The following RRAS2 variants were observed in gnomAD, a reference collection of about 807,000 sequenced individuals.
RRAS2 encodes RAS related 2.
A neutral mutation model predicts 27.6 loss-of-function variants in RRAS2; 7 were observed. The observed-to-expected ratio is 0.25, with a 90% CI of 0.14 to 0.48. The LOEUF is 0.48. Among genes scored for constraint, RRAS2 ranks in the 20% least tolerant of loss-of-function variants. The pLI is 0.99. For synonymous variants in RRAS2, 86 were observed against 90.9 expected (o/e 0.95, Z 0.31); for missense variants, 178 against 256.2 (o/e 0.69, Z 2.08).
At position 14,307,042 on chromosome 11, in the gene RRAS2, T is replaced by C. The variant is rs148504236; in HGVS notation, c.109-11187A>G. Among the ~76,000 whole-genome samples the C allele has an allele frequency of 3.0e-4, 46 of 151,668 alleles. No individual in the cohort carries two copies. The East Asian group carries it at 8.9e-3, about 29-fold the overall frequency. ...CCAGTGTCTACCCAAAATACAAAAA[T>C]TAGCAGGGCATGATGGCACATGCCT... On this transcript the variant is annotated intron_variant, in intron 1 of 5. Coordinates refer to ENST00000256196, the MANE Select transcript of RRAS2 (RefSeq NM_012250.6).
At chr11:14,351,495 G>A (rs1172830282) in intron 1 of RRAS2, among the ~76,000 whole-genome samples, 1 of 152,176 alleles carries the variant, frequency 6.6e-6, no homozygotes, top group East Asian at 1.9e-4. Context: ...GGGAGGCCAA[G>A]GCAGGTGGAT....
intron 1 of RRAS2, among the ~76,000 whole-genome samples, chr11:14,355,851 TC>T (rs1249603716): frequency 3.9e-5 from 6 of 152,300 alleles, no homozygotes; most frequent in African/African-American, 1.4e-4. Context: ...GTTCTCTCCC[TC>T]CAGTTACTAC....
At chr11:14,292,601 C>A (rs928467167) in intron 4 of RRAS2, among the ~76,000 whole-genome samples, 1 of 151,726 alleles carries the variant, frequency 6.6e-6, no homozygotes, top group African/African-American at 2.4e-5. Context: ...AAAATTAAAT[C>A]TAAAAAAAAT....
At chr11:14,294,323 A>G in intron 4 of RRAS2, 148 bp downstream of exon 4, 1 of 450,098 alleles carries the variant, frequency 2.2e-6, no homozygotes, top group Non-Finnish European at 4.0e-6. Context: ...TTCTGTAAAT[A>G]CAGTGTGCCA....
intron 5 of RRAS2, among the ~76,000 whole-genome samples, chr11:14,280,803 T>A (rs1487549417): frequency 7.7e-6 from 1 of 130,256 alleles, no homozygotes; most frequent in Non-Finnish European, 1.6e-5. Context: ...TAGCAGAGAA[T>A]CCCAGATCTA....
At chr11:14,330,886 A>G (rs892445851) in intron 1 of RRAS2, among the ~76,000 whole-genome samples, 1 of 152,196 alleles carries the variant, frequency 6.6e-6, no homozygotes, top group Non-Finnish European at 1.5e-5. Flanking sequence ...AGGAGTAACT[A>G]TAGTTAATAA....
At chr11:14,352,752 T>TAG (rs1364375183) in intron 1 of RRAS2, among the ~76,000 whole-genome samples, 47 of 127,192 alleles carry the variant, frequency 3.7e-4, no homozygotes, top group African/African-American at 1.0e-3. Context: ...AAAATATATA[T>TAG]ATATAGAGAG....
chr11:14,358,692 GCCCCGCCACAGGTAGCGCCAGC>G lies in RRAS2; in HGVS notation c.108+49_108+70del. 1.9e-6 allele frequency: 2 copies of G among 1,066,250 alleles called. No homozygotes were observed. The highest frequency in any genetic ancestry group is 2.3e-6 in the Non-Finnish European group (2 of 881,672). 66.0% of individuals were successfully genotyped at this position (1,066,250 alleles called of 1,614,324 possible). A position where few individuals can be genotyped will look rare whatever the true frequency, so the allele number is the denominator to read the frequency against. ...CCTCTGGGGCGAGGTCGCGGCGGCC[GCCCCGCCACAGGTAGCGCCAGC>G]CCCCGCCCGCCGCCGCTCCGGCGCC... On this transcript the variant is annotated intron_variant, in intron 1 of 5. Coordinates refer to ENST00000256196, the MANE Select transcript of RRAS2 (RefSeq NM_012250.6). The surrounding 1 kb of genome is among the most constrained non-coding windows in gnomAD (Gnocchi z 5.1).
At chr11:14,342,386 A>G (rs1419970863) in intron 1 of RRAS2, among the ~76,000 whole-genome samples, 1 of 152,232 alleles carries the variant, frequency 6.6e-6, no homozygotes, top group Non-Finnish European at 1.5e-5. Context: ...CATCTGTAGG[A>G]TGGAAATAAT....
chr11:14,306,574 C>G (rs1847834416), intron 1 of RRAS2, among the ~76,000 whole-genome samples: 1 of 152,116 alleles, frequency 6.6e-6, no homozygotes, highest in Non-Finnish European at 1.5e-5. Flanking sequence ...TATTACCCAC[C>G]AACAACTCTC....
intron 1 of RRAS2, among the ~76,000 whole-genome samples, chr11:14,350,061 C>A (rs1010367391): frequency 2.6e-5 from 4 of 152,220 alleles, no homozygotes; most frequent in Admixed American, 1.3e-4. Flanking sequence ...TCAATCTTAT[C>A]AACCTCCAAT....
At chr11:14,339,183 G>A (rs567064369) in intron 1 of RRAS2, among the ~76,000 whole-genome samples, 1 of 145,728 alleles carries the variant, frequency 6.9e-6, no homozygotes, top group African/African-American at 2.5e-5. Flanking sequence ...GCCCACACCT[G>A]TAATCCCAGT....
chr11:14,309,707 T>TA (rs1388473503), intron 1 of RRAS2, among the ~76,000 whole-genome samples: 4 of 152,142 alleles, frequency 2.6e-5, no homozygotes, highest in Non-Finnish European at 5.9e-5. Flanking sequence ...GAGAGTACTG[T>TA]AACATGTCTG....
At chr11:14,299,950 CAGAAA>C (rs782500659) in intron 1 of RRAS2, among the ~76,000 whole-genome samples, 18 of 152,164 alleles carry the variant, frequency 1.2e-4, no homozygotes, top group African/African-American at 3.4e-4. Context: ...AGCAATTTGC[CAGAAA>C]AGAAAACAGT....
chr11:14,338,255 T>C (rs1380904148), intron 1 of RRAS2, among the ~76,000 whole-genome samples: 1 of 152,142 alleles, frequency 6.6e-6, no homozygotes, highest in East Asian at 1.9e-4. Context: ...CCCCATTATA[T>C]TGATGAGGAA....
chr11:14,291,339 G>T (rs146943723), intron 4 of RRAS2, among the ~76,000 whole-genome samples: 6 of 152,284 alleles, frequency 3.9e-5, no homozygotes, highest in Non-Finnish European at 5.9e-5. Flanking sequence ...CTTTAAAAGT[G>T]AGAGTAGTCA....
chr11:14,342,256 A>T (rs138944962), intron 1 of RRAS2, among the ~76,000 whole-genome samples: 2 of 152,192 alleles, frequency 1.3e-5, no homozygotes, highest in Admixed American at 1.3e-4. Flanking sequence ...TAACGTTAAT[A>T]GTTCTGTAGT....
At chr11:14,345,929 C>T (rs1554954005) in intron 1 of RRAS2, among the ~76,000 whole-genome samples, 1 of 152,194 alleles carries the variant, frequency 6.6e-6, no homozygotes, top group African/African-American at 2.4e-5. Context: ...CTATGAGCAA[C>T]TCTTCATGAA....
At chr11:14,363,985 G>A (rs182244780), upstream of RRAS2, among the ~76,000 whole-genome samples, 888 of 150,558 alleles carry the variant, frequency 5.9e-3, 2 homozygotes, top group Non-Finnish European at 0.011. Flanking sequence ...CAGTAGAATC[G>A]CTTGAACCCG....
Sources: gnomAD v4.1 joint callset for allele counts (sites outside exome capture counted in the v4.1 genomes callset) on GRCh38, gnomAD v4.1.1 for gene constraint, Gnocchi (gnomAD v3.1) non-coding constraint, MANE v1.5 for transcripts, NCBI Gene and HGNC (gene_info 2026-07-23, HGNC 2026-07-21) for gene names.